Variants in ANKUB1 observed in about 807,000 individuals in gnomAD.
The protein encoded by ANKUB1 is protein ANKUB1.
Under a neutral mutation model 49.3 loss-of-function variants are expected in ANKUB1, and 42 were observed. The ratio of observed to expected loss-of-function variants is 0.85; its 90% confidence interval spans 0.67 to 1.10. ANKUB1 has a LOEUF of 1.10. Ranked by LOEUF, ANKUB1 falls within the 50% of genes least tolerant of loss-of-function variation. The pLI is 0.00. For synonymous variants in ANKUB1, 222 were observed against 231.0 expected (o/e 0.96, Z 0.35); for missense variants, 613 against 642.0 (o/e 0.95, Z 0.49).
At chr3:149,791,992 A>C (rs985730752) in intron 1 of ANKUB1, among the ~76,000 whole-genome samples, 1 of 152,100 alleles carries the variant, frequency 6.6e-6, no homozygotes, top group Non-Finnish European at 1.5e-5. Context: ...AATTGCAATA[A>C]TATTATCTGG....
intron 3 of ANKUB1, among the ~76,000 whole-genome samples, chr3:149,774,878 A>G (rs1717524454): frequency 6.6e-6 from 1 of 152,224 alleles, no homozygotes; most frequent in Non-Finnish European, 1.5e-5. Context: ...TCTGTTGGGA[A>G]ATAGAAATTT....
At chr3:149,786,270 C>G (rs1022764865) in intron 2 of ANKUB1, among the ~76,000 whole-genome samples, 19 of 152,204 alleles carry the variant, frequency 1.2e-4, no homozygotes, top group Admixed American at 1.2e-3. Flanking sequence ...CTCCTGACCT[C>G]ATGATCTACC....
chr3:149,781,969 T>C (rs929048326), intron 2 of ANKUB1, among the ~76,000 whole-genome samples: 6 of 152,190 alleles, frequency 3.9e-5, no homozygotes, highest in Admixed American at 2.6e-4. Flanking sequence ...ATTGACTCTT[T>C]CACTTTTGCC....
At chr3:149,762,429 A>G (rs558549768) in intron 5 of ANKUB1, among the ~76,000 whole-genome samples, 1 of 152,324 alleles carries the variant, frequency 6.6e-6, no homozygotes, top group East Asian at 1.9e-4. Flanking sequence ...CCAAAGCTAG[A>G]AACGAAACTA....
intron 2 of ANKUB1, among the ~76,000 whole-genome samples, chr3:149,789,965 A>C (rs1718289531): frequency 6.6e-6 from 1 of 152,192 alleles, no homozygotes; most frequent in African/African-American, 2.4e-5. Context: ...GAAAGAGTTA[A>C]CTTTGACTAC....
intron 2 of ANKUB1, among the ~76,000 whole-genome samples, chr3:149,789,319 T>C (rs1718255637): frequency 6.6e-6 from 1 of 152,072 alleles, no homozygotes; most frequent in Non-Finnish European, 1.5e-5. Flanking sequence ...AAGCAAACAA[T>C]AAAAAGTCTT....
At chr3:149,774,252 C>G (rs181472175) in intron 3 of ANKUB1, among the ~76,000 whole-genome samples, 177 of 151,982 alleles carry the variant, frequency 1.2e-3, no homozygotes, top group Non-Finnish European at 2.3e-3. Flanking sequence ...ATGTCAACAT[C>G]AGCTTATCTA....
intron 2 of ANKUB1, chr3:149,782,996 T>G (rs762934033): frequency 1.5e-4 from 23 of 152,114 alleles, no homozygotes; most frequent in South Asian, 1.2e-3. Context: ...CATAAATAAA[T>G]AATAAATGTT....
At chr3:149,777,494 C>CA (rs1270029928) in intron 3 of ANKUB1, among the ~76,000 whole-genome samples, 3 of 151,672 alleles carry the variant, frequency 2.0e-5, no homozygotes, top group African/African-American at 7.3e-5. Flanking sequence ...ACAACAACAA[C>CA]AACAACAAAA....
chr3:149,768,744 C>T (rs60855334), intron 4 of ANKUB1, among the ~76,000 whole-genome samples: 19 of 152,182 alleles, frequency 1.2e-4, no homozygotes, highest in East Asian at 5.8e-4. Context: ...AATTTCGCTA[C>T]GTTGGCCACG....
intron 2 of ANKUB1, among the ~76,000 whole-genome samples, chr3:149,790,509 C>T (rs114974416): frequency 2.6e-5 from 4 of 152,070 alleles, no homozygotes; most frequent in Non-Finnish European, 5.9e-5. Flanking sequence ...GTTTTCATAT[C>T]GGTTCTGAGA....
At chr3:149,786,272 T>C (rs938528280) in intron 2 of ANKUB1, among the ~76,000 whole-genome samples, 4 of 152,170 alleles carry the variant, frequency 2.6e-5, no homozygotes, top group Admixed American at 6.5e-5. Context: ...CCTGACCTCA[T>C]GATCTACCCA....
At chr3:149,777,532 G>T (rs531407727) in intron 3 of ANKUB1, among the ~76,000 whole-genome samples, 1 of 152,208 alleles carries the variant, frequency 6.6e-6, no homozygotes, top group Non-Finnish European at 1.5e-5. Flanking sequence ...AAGGTGCATG[G>T]CTCTAGCTGC....
At chr3:149,783,909 C>T (rs1200134920) in intron 2 of ANKUB1, 1 of 152,130 alleles carries the variant, frequency 6.6e-6, no homozygotes, top group Non-Finnish European at 1.5e-5. Context: ...AAAAGAGGGC[C>T]ATTTTTAAGA....
At chr3:149,772,138 C>G (rs539506557) in intron 3 of ANKUB1, among the ~76,000 whole-genome samples, 15 of 151,894 alleles carry the variant, frequency 9.9e-5, no homozygotes, top group African/African-American at 3.4e-4. Flanking sequence ...GATTCTCCTG[C>G]CTCACCCTCT....
intron 1 of ANKUB1, among the ~76,000 whole-genome samples, chr3:149,791,721 T>C (rs888776340): frequency 2.0e-4 from 30 of 152,206 alleles, no homozygotes; most frequent in African/African-American, 7.0e-4. Flanking sequence ...TTATATGAAA[T>C]TTATAAGGAA....
intron 5 of ANKUB1, chr3:149,763,926 T>G (rs570645031): frequency 6.6e-6 from 3 of 456,148 alleles, no homozygotes; most frequent in African/African-American, 6.0e-5. Context: ...CTGAATGACA[T>G]GTGGTCCAAC....
intron 2 of ANKUB1, among the ~76,000 whole-genome samples, chr3:149,789,008 C>G (rs1718238237): frequency 6.6e-6 from 1 of 152,114 alleles, no homozygotes; most frequent in Non-Finnish European, 1.5e-5. Flanking sequence ...CTCCCAACCT[C>G]AGGTGATCCT....
At chr3:149,787,982 A>C (rs9880781) in intron 2 of ANKUB1, among the ~76,000 whole-genome samples, 102,908 of 152,100 alleles carry the variant, frequency 0.68, 35,424 homozygotes, top group East Asian at 0.9. Flanking sequence ...GATATTTCTA[A>C]GTTGTACCAA....
Sources: gnomAD v4.1 joint callset for allele counts (sites outside exome capture counted in the v4.1 genomes callset) on GRCh38, gnomAD v4.1.1 for gene constraint, MANE v1.5 for transcripts, NCBI Gene and HGNC (gene_info 2026-07-23, HGNC 2026-07-21) for gene names.